Variants in STRA6 observed in about 807,000 individuals in gnomAD.
The protein encoded by STRA6 is receptor for retinol uptake STRA6.
Under a neutral mutation model 83.6 loss-of-function variants are expected in STRA6, and 48 were observed. The observed-to-expected ratio is 0.57, with a 90% CI of 0.46 to 0.73. The LOEUF (loss-of-function observed/expected upper bound fraction) is 0.73. Ranked by LOEUF, STRA6 falls within the 30% of genes least tolerant of loss-of-function variation. STRA6 has a pLI of 0.00. For missense variants in STRA6, 760 were observed against 838.8 expected (o/e 0.91, Z 1.16); for synonymous variants, 353 against 362.3 (o/e 0.97, Z 0.29).
At chr15:74,191,765 C>T (rs994346356) in intron 8 of STRA6, 11 of 548,194 alleles carry the variant, frequency 2.0e-5, no homozygotes, top group African/African-American at 1.9e-4. Flanking sequence ...CCAACTCTCG[C>T]CTGCTTTACT....
At position 74,183,873 on chromosome 15, in the gene STRA6, G is replaced by A; in HGVS notation, c.1283C>T (p.Thr428Ile). Residue 428 changes from threonine (T) to isoleucine (I), a missense_variant, in exon 14 of 19, where the codon ACA becomes ATA. Thr to Ile is a moderately conservative substitution (Grantham distance 89). Transcript: ENST00000395105. ...FCWMSFSAYQ[T>I]AFICLGLLVQ... ...AGGCTCACCAAGGCAGATAAAGGCT[G>A]TCTGGTAGGCACTGAAGCTCATCCA... The A allele has an allele frequency of 6.2e-7, 1 of 1,614,106 alleles. No homozygotes were observed. Among genetic ancestry groups the A allele is most frequent in the South Asian group, 1.1e-5 (1 of 91,086 alleles).
intron 17 of STRA6, 104 bp downstream of exon 17, chr15:74,181,191 A>G: frequency 6.6e-7 from 1 of 1,518,094 alleles, no homozygotes; most frequent in Non-Finnish European, 8.9e-7. Context: ...AGCTACAGGC[A>G]TCGGTGTGAA....
rs1386145096 is a variant in STRA6, at chr15:74,193,921, A to G, written c.599T>C (p.Ile200Thr). The change falls in exon 8 of 19, where the codon ATC becomes ACC. Residue 200 changes from isoleucine to threonine, a missense_variant and splice_region_variant. Ile to Thr is a moderately conservative substitution (Grantham distance 89, BLOSUM62 -1). Transcript: ENST00000395105. The part of the protein sequence containing the change: ...QRAECPQVPK[I>T]YKYYSLLASL... ...GGCCAGCAGGGAGTAGTACTTGTAG[A>G]TCTGGACAGACAAACACCCAGACAG... is the stretch of plus-strand genomic sequence containing the variant. The G allele has an allele frequency of 2.5e-6, 4 of 1,613,090 alleles. No homozygotes were observed. The highest frequency in any genetic ancestry group is 3.4e-6 in the Non-Finnish European group (4 of 1,179,342).
intron 1 of STRA6, 98 bp downstream of exon 1, chr15:74,202,615 G>A (rs904385272): frequency 1.4e-6 from 2 of 1,439,460 alleles, no homozygotes; most frequent in African/African-American, 2.9e-5. Context: ...GTGTTCAAAG[G>A]ACCATTTTCA....
chr15:74,183,786 C>G, intron 14 of STRA6, 70 bp downstream of exon 14: 1 of 1,611,348 alleles, frequency 6.2e-7, no homozygotes, highest in Non-Finnish European at 8.5e-7. Flanking sequence ...GCACTCTTCT[C>G]CCCAACTGAG....
At chr15:74,194,142 G>A (rs1458306039) in intron 7 of STRA6, among the ~76,000 whole-genome samples, 2 of 151,054 alleles carry the variant, frequency 1.3e-5, no homozygotes, top group Non-Finnish European at 2.9e-5. Context: ...CCAGGCTCCT[G>A]GATCCCCACG....
chr15:74,187,689 T>A (rs1020147370), intron 12 of STRA6, among the ~76,000 whole-genome samples: 3 of 152,126 alleles, frequency 2.0e-5, no homozygotes, highest in African/African-American at 7.2e-5. Context: ...GTATCTGTAA[T>A]CCTCCTGGGC....
At position 74,180,592 on chromosome 15, in the gene STRA6, G is replaced by GT. The variant is rs939731947; in HGVS notation, c.1840+189dup. Among the ~76,000 whole-genome samples, 38 of 152,184 alleles carry GT rather than the reference G, an allele frequency of 2.5e-4. 1 individual carries two copies. The highest frequency in any genetic ancestry group is 1.0e-4 in the Non-Finnish European group (7 of 68,022). ...CTCTGTGTGCACACATATGGTGTGT[G>GT]TATGTGTGTGTTCATATCATGGAAA... On this transcript the variant is annotated intron_variant, in intron 18 of 18. Transcript: ENST00000395105.
At chr15:74,191,880 A>T in intron 8 of STRA6, 2 of 360,518 alleles carry the variant, frequency 5.5e-6, no homozygotes, top group Non-Finnish European at 1.1e-5. Context: ...ATCCTAGACC[A>T]GGACACAGAA....
At chr15:74,193,752 G>T (rs1012863846) in intron 8 of STRA6, 48 bp downstream of exon 8, 3 of 1,608,934 alleles carry the variant, frequency 1.9e-6, no homozygotes, top group Non-Finnish European at 2.5e-6. Flanking sequence ...GGGGAGTAGG[G>T]CTGTCTTGGG....
chr15:74,202,870 A>G, upstream of STRA6: 1 of 1,020,732 alleles, frequency 9.8e-7, no homozygotes, highest in Non-Finnish European at 1.2e-6. Context: ...GGCCTCGGTG[A>G]TGGAAATACA....
intron 1 of STRA6, 190 bp from the exon 2 acceptor site, chr15:74,202,472 C>A (rs1421124393): frequency 1.3e-6 from 2 of 1,535,932 alleles, no homozygotes; most frequent in Non-Finnish European, 1.7e-6. Flanking sequence ...CAAGCTGGCA[C>A]GGGAAGAGGA....
chr15:74,199,244 C>T (rs2073952624), intron 2 of STRA6, among the ~76,000 whole-genome samples: 1 of 152,252 alleles, frequency 6.6e-6, no homozygotes, highest in African/African-American at 2.4e-5. Context: ...GCTGGGTCAG[C>T]TCGGTCTGTC....
Position 74,195,632 on chromosome 15 carries a change from T to G in STRA6, c.430+20A>C. The G allele has an allele frequency of 5.8e-6, 9 of 1,540,536 alleles. No homozygotes were observed. The highest frequency in any genetic ancestry group is 1.4e-5 in the African/African-American group (1 of 73,018). On this transcript the variant is annotated intron_variant, in intron 6 of 18. Transcript: ENST00000395105. ...TCCAGGCTCTGACTAGTCTCAACTCTGTGATCTTGGGCAAGTTACCTCTTG... is the reference window on the plus strand; with the variant it reads ...TCCAGGCTCTGACTAGTCTCAACTCGGTGATCTTGGGCAAGTTACCTCTTG...
upstream of STRA6, chr15:74,202,881 C>A (rs1488624885): frequency 5.9e-6 from 6 of 1,008,498 alleles, no homozygotes; most frequent in South Asian, 2.8e-4. Context: ...TGGAAATACA[C>A]CATAATCCTT....
chr15:74,181,349 G>A lies in STRA6; in HGVS notation c.1630C>T (p.Leu544Phe), dbSNP rs779753862. Reference protein sequence around the residue: ...LLSALYNAIHLGQMDLSLLPP... With the variant: ...LLSALYNAIHFGQMDLSLLPP... ...AGCAGGCTGAGGTCCATCTGGCCAAGGTGGATGGCGTTGTAGAGGGCAGAG... is the reference window on the plus strand; with the variant it reads ...AGCAGGCTGAGGTCCATCTGGCCAAAGTGGATGGCGTTGTAGAGGGCAGAG... The change falls in exon 17 of 19, where the codon CTT becomes TTT. Residue 544 changes from leucine (L) to phenylalanine (F), a missense_variant. Transcript: ENST00000395105. 2 of 1,613,580 alleles carry A rather than the reference G, an allele frequency of 1.2e-6. No individual in the cohort carries two copies. Among genetic ancestry groups the A allele is most frequent in the Admixed American group, 1.7e-5 (1 of 59,990 alleles).
intron 2 of STRA6, among the ~76,000 whole-genome samples, chr15:74,199,191 A>G (rs1441893246): frequency 6.6e-6 from 1 of 152,228 alleles, no homozygotes. Context: ...GAGAGGCATC[A>G]AGGCTGCATT....
In STRA6 at chr15:74,181,438, G is replaced by A. The variant is rs753490176; in HGVS notation, c.1541C>T (p.Thr514Ile). ...CACATTGAGGGGGAAGAGAAGAAAG[G>A]TGGCTGCATAGAGCACTCGCCTAGG... ...LTNRRVLYAATFLLFPLNVLV... is the reference protein window; with the variant it reads ...LTNRRVLYAAIFLLFPLNVLV... The change falls in exon 17 of 19, where the codon ACC (threonine) becomes ATC (isoleucine). Residue 514 changes from threonine to isoleucine, a missense_variant. Thr to Ile is a moderately conservative substitution (Grantham distance 89, BLOSUM62 -1). Transcript: ENST00000395105. 5.6e-6 allele frequency: 9 copies of A among 1,613,950 alleles called. No individual in the cohort carries two copies. Among genetic ancestry groups the A allele is most frequent in the Non-Finnish European group, 7.6e-6 (9 of 1,179,966 alleles).
At chr15:74,200,034 T>A (rs1200808766) in intron 2 of STRA6, among the ~76,000 whole-genome samples, 1 of 152,042 alleles carries the variant, frequency 6.6e-6, no homozygotes, top group Non-Finnish European at 1.5e-5. Flanking sequence ...CTGGCCAACA[T>A]GATGAAACCC....
Sources: allele counts gnomAD v4.1 joint callset (sites outside exome capture counted in the v4.1 genomes callset), GRCh38; gene constraint gnomAD v4.1.1; transcripts MANE v1.5; gene names NCBI Gene and HGNC (gene_info 2026-07-23, HGNC 2026-07-21).